Variants in CC2D2A observed in about 807,000 individuals in gnomAD.
CC2D2A encodes coiled-coil and C2 domain containing 2A.
CC2D2A carries 155 observed loss-of-function variants against 212.9 expected under a neutral mutation model. The ratio of observed to expected loss-of-function variants is 0.73; its 90% CI spans 0.64 to 0.83. The LOEUF (loss-of-function observed/expected upper bound fraction) is 0.83. Among genes scored for constraint, CC2D2A ranks in the 40% least tolerant of loss-of-function variants. CC2D2A has a pLI of 0.00. For missense variants in CC2D2A, 1,856 were observed against 1,956.2 expected, an observed-to-expected ratio of 0.95 and a Z score of 0.97; for synonymous variants, 667 against 686.5, an observed-to-expected ratio of 0.97 and a Z score of 0.44.
intron 11 of CC2D2A, among the ~76,000 whole-genome samples, chr4:15,517,914 C>T (rs1376877471): frequency 2.6e-5 from 4 of 152,146 alleles, no homozygotes; most frequent in Non-Finnish European, 5.9e-5. Context: ...GGGAAACTCC[C>T]GTTTATAAAA....
chr4:15,557,491 T>C lies in CC2D2A; in HGVS notation c.2813T>C (p.Met938Thr), dbSNP rs61740537. ...GTTCCAGTCTATGACCGAGAAATTATGGAAAAGGTATTCCAGGTAAGAAAC... is the reference window on the plus strand; with the variant it reads ...GTTCCAGTCTATGACCGAGAAATTACGGAAAAGGTATTCCAGGTAAGAAAC... ...KQVPVYDREI[M>T]EKVFQDYEKR... The change falls in exon 21 of 37, where the codon ATG (methionine) becomes ACG (threonine). Residue 938 changes from methionine to threonine, a missense_variant. This residue lies in a region of CC2D2A where 1,512 missense variants were observed against 1,579.3 expected (regional missense o/e 0.96). Transcript: ENST00000424120. The C allele has an allele frequency of 2.9e-4, 459 of 1,605,300 alleles. 1 individual carries two copies. In the African/African-American group the frequency reaches 4.0e-3, roughly 14 times the overall value.
intron 15 of CC2D2A, 133 bp downstream of exon 15, chr4:15,537,209 C>A: frequency 1.4e-6 from 1 of 711,832 alleles, no homozygotes; most frequent in Non-Finnish European, 2.2e-6. Flanking sequence ...TCTTCCCCGT[C>A]CCCTGGCTAA....
chr4:15,545,483 G>C (rs1048625751), intron 17 of CC2D2A, among the ~76,000 whole-genome samples: 3 of 152,110 alleles, frequency 2.0e-5, no homozygotes, highest in African/African-American at 7.2e-5. Flanking sequence ...ATATAAGGGA[G>C]AGCTACAAAG....
intron 11 of CC2D2A, among the ~76,000 whole-genome samples, chr4:15,520,060 A>G (rs1717116768): frequency 2.0e-5 from 3 of 152,224 alleles, no homozygotes; most frequent in Admixed American, 6.5e-5. Context: ...TTCTGAGTAC[A>G]GTCCTGCTGT....
intron 23 of CC2D2A, among the ~76,000 whole-genome samples, chr4:15,561,196 T>C (rs557488022): frequency 1.7e-3 from 263 of 152,340 alleles, no homozygotes; most frequent in African/African-American, 5.8e-3. Flanking sequence ...GTTTGGATAA[T>C]TGTCAAATGG....
At chr4:15,571,606 C>CA (rs11393258) in intron 28 of CC2D2A, among the ~76,000 whole-genome samples, 80,946 of 142,488 alleles carry the variant, frequency 0.57, 22,376 homozygotes, top group Admixed American at 0.67. Flanking sequence ...CCGTTTAAAC[C>CA]AAAAAAAAAA....
At chr4:15,567,573 A>G (rs1276142150) in intron 25 of CC2D2A, 91 bp downstream of exon 25, 13 of 1,356,942 alleles carry the variant, frequency 9.6e-6, no homozygotes, top group Admixed American at 2.4e-5. Flanking sequence ...TCTCTGCTTC[A>G]TTTTCTTTGG....
chr4:15,560,415 T>C (rs1218866594), intron 22 of CC2D2A, 116 bp from the exon 23 acceptor site: 2 of 581,228 alleles, frequency 3.4e-6, no homozygotes, highest in Non-Finnish European at 6.2e-6. Context: ...AAGTAACAGT[T>C]GGGCTGGAGG....
chr4:15,523,896 A>G (rs1717349537), intron 11 of CC2D2A, among the ~76,000 whole-genome samples: 1 of 152,190 alleles, frequency 6.6e-6, no homozygotes, highest in Non-Finnish European at 1.5e-5. Flanking sequence ...TATCAATACC[A>G]AAAAATAAAC....
chr4:15,551,688 C>A (rs1719016422), intron 18 of CC2D2A, among the ~76,000 whole-genome samples: 1 of 152,098 alleles, frequency 6.6e-6, no homozygotes, highest in Non-Finnish European at 1.5e-5. Context: ...GACTCTCAAT[C>A]ATTTCTTTTA....
At chr4:15,500,004 G>A (rs2108995262) in intron 4 of CC2D2A, among the ~76,000 whole-genome samples, 1 of 151,760 alleles carries the variant, frequency 6.6e-6, no homozygotes, top group South Asian at 2.1e-4. Context: ...GATACATTCT[G>A]AGAAACGCAT....
At chr4:15,545,431 G>A (rs147664760) in intron 17 of CC2D2A, among the ~76,000 whole-genome samples, 56 of 152,146 alleles carry the variant, frequency 3.7e-4, no homozygotes, top group Admixed American at 7.9e-4. Context: ...GTATACAGAG[G>A]GGCACATAGG....
Position 15,597,417 on chromosome 4 carries a change from T to G in CC2D2A, c.4448T>G (p.Leu1483Arg). The change falls in exon 35 of 37, where the codon CTA (leucine) becomes CGA (arginine). Residue 1483 changes from leucine to arginine, a missense_variant. By Grantham distance (102) the Leu-to-Arg change is moderately radical (BLOSUM62 -2). Around this residue, in one of 5 missense-constraint regions of CC2D2A, gnomAD observed 285 missense variants for 278.4 expected, o/e 1.02. Coordinates refer to ENST00000424120, the MANE Select transcript of CC2D2A (RefSeq NM_001378615.1). Reference sequence around the variant, plus strand: ...TTTTCTCTTCTATAGCCTGAAGAGCTAATTTACCAGCGCTCAGACAAAGCA... The same window carrying G: ...TTTTCTCTTCTATAGCCTGAAGAGCGAATTTACCAGCGCTCAGACAAAGCA... ...PGLSSVQPEE[L>R]IYQRSDKAAA... 1 of 1,552,162 alleles carries G rather than the reference T, an allele frequency of 6.4e-7. No homozygotes were observed. Among genetic ancestry groups the G allele is most frequent in the Non-Finnish European group, 8.7e-7 (1 of 1,146,926 alleles).
rs115965701 is a variant in CC2D2A at position 15,491,366 on chromosome 4, T to G, written c.247+10539T>G. 7.2e-3 allele frequency among the ~76,000 whole-genome samples: 1,092 copies of G among 152,344 alleles called. 5 individuals are homozygous for G. The highest frequency in any genetic ancestry group is 0.021 in the South Asian group (100 of 4,832). On this transcript the variant is annotated intron_variant, in intron 4 of 36. Coordinates refer to ENST00000424120, the MANE Select transcript of CC2D2A (RefSeq NM_001378615.1). ...ATGATTTATTTTTTCATATTCTTAC[T>G]AGCCATTTGTATATCTTCTTAGTAA...
At position 15,586,304 on chromosome 4, in the gene CC2D2A, T is replaced by C. The variant is rs555413874; in HGVS notation, c.4065+58T>C. 4 of 1,061,004 alleles carry C rather than the reference T, an allele frequency of 3.8e-6. No individual in the cohort carries two copies. In the Admixed American group the frequency reaches 7.4e-5, roughly 20 times the overall value. The allele number at this position is 1,061,004 out of a possible 1,614,324, so 65.7% of individuals were successfully genotyped here. Reference sequence around the variant, plus strand: ...TGAGCTGACTTAATGAAATATTAGCTAACTGACTTGCATAATTTTAAATTG... The same window carrying C: ...TGAGCTGACTTAATGAAATATTAGCCAACTGACTTGCATAATTTTAAATTG... On this transcript the variant is annotated intron_variant, in intron 31 of 36. Transcript: ENST00000424120.
chr4:15,564,115 C>G (rs1317341199), intron 24 of CC2D2A: 1 of 152,600 alleles, frequency 6.6e-6, no homozygotes, highest in Non-Finnish European at 1.5e-5. Flanking sequence ...TCCCTTTCAT[C>G]TGTTCGGAGA....
chr4:15,586,360 G>T, intron 31 of CC2D2A, 114 bp downstream of exon 31: 1 of 612,098 alleles, frequency 1.6e-6, no homozygotes, highest in Non-Finnish European at 2.7e-6. Context: ...AATCTAATTG[G>T]CTGTTTAGTA....
rs574928029 is a variant in CC2D2A, at chr4:15,594,201, A to G, written c.4315-1884A>G. 2.0e-5 allele frequency among the ~76,000 whole-genome samples: 3 copies of G among 152,232 alleles called. No individual in the cohort carries two copies. In the South Asian group the frequency reaches 6.2e-4, roughly 32 times the overall value. On this transcript the variant is annotated intron_variant, in intron 33 of 36. Coordinates refer to ENST00000424120, the MANE Select transcript of CC2D2A (RefSeq NM_001378615.1). ...CACTGCCCCCTTACTGGATATCATCATAGATTTCTCCCTCACTTCTTGCAT... is the reference window on the plus strand; with the variant it reads ...CACTGCCCCCTTACTGGATATCATCGTAGATTTCTCCCTCACTTCTTGCAT...
intron 12 of CC2D2A, 83 bp downstream of exon 12, chr4:15,527,739 A>C: frequency 5.0e-6 from 5 of 992,592 alleles, no homozygotes; most frequent in Non-Finnish European, 6.0e-6. Context: ...CTAACAGCAA[A>C]ATGTTCATGC....
Sources: gnomAD v4.1 joint callset for allele counts (sites outside exome capture counted in the v4.1 genomes callset) on GRCh38, gnomAD v4.1.1 for gene constraint, gnomAD v4.1.1 regional missense constraint, MANE v1.5 for transcripts, NCBI Gene and HGNC (gene_info 2026-07-23, HGNC 2026-07-21) for gene names.